The following CHD2 variants were observed in gnomAD, a reference collection of about 807,000 sequenced individuals.
CHD2 encodes the protein ATP-dependent chromatin remodeler CHD2.
Under a neutral mutation model 243.9 loss-of-function variants are expected in CHD2, and 28 were observed. That is an observed-to-expected ratio of 0.11 (90% CI 0.09 to 0.16). CHD2 has a LOEUF of 0.16. Among genes scored for constraint, CHD2 ranks in the 10% least tolerant of loss-of-function variants. The probability of loss-of-function intolerance (pLI) is 1.00; values close to 1 mark genes in which losing one functional copy is unlikely to be tolerated. For synonymous variants in CHD2, 775 were observed against 779.0 expected (o/e 0.99, Z 0.09); for missense variants, 1,386 against 2,209.8 (o/e 0.63, Z 7.47).
chr15:92,935,945 T>C (rs949163037), intron 5 of CHD2, among the ~76,000 whole-genome samples: 1 of 152,036 alleles, frequency 6.6e-6, no homozygotes, highest in Non-Finnish European at 1.5e-5. Flanking sequence ...TTTTTTTTTT[T>C]AACCTAACAA....
chr15:92,905,903 C>G (rs1211530240), intron 2 of CHD2, among the ~76,000 whole-genome samples: 2 of 152,178 alleles, frequency 1.3e-5, no homozygotes, highest in Admixed American at 6.5e-5. Flanking sequence ...TCTCACCTCC[C>G]TTTTTGTGTA....
At chr15:92,940,486 G>T (rs1037824200) in intron 7 of CHD2, among the ~76,000 whole-genome samples, 2 of 151,690 alleles carry the variant, frequency 1.3e-5, no homozygotes, top group Admixed American at 1.3e-4. Context: ...ACAGATATAT[G>T]CAAACACTAG....
intron 2 of CHD2, among the ~76,000 whole-genome samples, chr15:92,916,135 G>A (rs1044116686): frequency 2.6e-5 from 4 of 152,128 alleles, no homozygotes; most frequent in African/African-American, 7.2e-5. Flanking sequence ...CCAGTTGTCC[G>A]GCCTTTCCAG....
chr15:92,916,507 A>G (rs531110254), intron 2 of CHD2, among the ~76,000 whole-genome samples: 1 of 152,358 alleles, frequency 6.6e-6, no homozygotes, highest in South Asian at 2.1e-4. Flanking sequence ...TACAAGTTTG[A>G]TAATTTGTCT....
intron 2 of CHD2, chr15:92,901,553 G>C: frequency 1.9e-6 from 1 of 517,270 alleles, no homozygotes; most frequent in Non-Finnish European, 3.4e-6. Flanking sequence ...TTATTCAAAG[G>C]GGCCTTTACT....
intron 16 of CHD2, among the ~76,000 whole-genome samples, chr15:92,959,301 G>C (rs1567142080): frequency 2.0e-5 from 3 of 152,158 alleles, no homozygotes; most frequent in Non-Finnish European, 4.4e-5. Flanking sequence ...TTGGGAAATT[G>C]TTCTAGTATC....
chr15:93,009,290 A>G lies in CHD2; in HGVS notation c.4559A>G (p.Tyr1520Cys). The G allele has an allele frequency of 6.2e-7, 1 of 1,614,130 alleles. No homozygotes were observed. Among genetic ancestry groups the G allele is most frequent in the East Asian group, 2.2e-5 (1 of 44,884 alleles). Residue 1520 changes from tyrosine to cysteine, a missense_variant, in exon 35 of 39, where the codon TAC becomes TGC. Around this residue, in one of 19 missense-constraint regions of CHD2, gnomAD observed 42 missense variants for 47.6 expected, o/e 0.88. Transcript: ENST00000394196. ...CGGATAGCCGAGTGCCTTAAAGCCT[A>G]CTCAGATCAGGAGCACATCAAACTC... is the stretch of plus-strand genomic sequence containing the variant. The part of the protein sequence containing the change: ...GDRIAECLKA[Y>C]SDQEHIKLWR...
At position 93,020,223 on chromosome 15, in the gene CHD2, C is replaced by T; in HGVS notation, c.5118C>T (p.Asp1706=). ...GGCCTTATGACCAGTACAGCAGTGA[C>T]CGAGACCACCGGGGACACAGAGATT... ...RKRPYDQYSS[D]RDHRGHRDYY... is the part of the protein sequence containing the mutation. Residue 1706 remains aspartate (D), a synonymous_variant, in exon 38 of 39, where the codon GAC becomes GAT. Coordinates refer to ENST00000394196, the MANE Select transcript of CHD2 (RefSeq NM_001271.4). 6.2e-7 allele frequency: 1 copy of T among 1,614,136 alleles called. No individual in the cohort carries two copies. The highest frequency in any genetic ancestry group is 1.7e-5 in the Admixed American group (1 of 60,028).
intron 31 of CHD2, among the ~76,000 whole-genome samples, chr15:92,999,048 C>T (rs950665806): frequency 3.1e-5 from 4 of 127,414 alleles, no homozygotes; most frequent in African/African-American, 6.0e-5. Flanking sequence ...CGGGCCACTG[C>T]ACTCCGGCCT....
intron 26 of CHD2, among the ~76,000 whole-genome samples, chr15:92,987,366 G>A (rs2054056686): frequency 6.6e-6 from 1 of 152,284 alleles, no homozygotes; most frequent in South Asian, 2.1e-4. Flanking sequence ...GGGAGGCCAA[G>A]GCAGGCAGAT....
At position 92,937,592 on chromosome 15, in the gene CHD2, A is replaced by C. The variant is rs1285511126; in HGVS notation, c.518A>C (p.Lys173Thr). 1 of 1,613,802 alleles carries C rather than the reference A, an allele frequency of 6.2e-7. No individual in the cohort carries two copies. The highest frequency in any genetic ancestry group is 8.5e-7 in the Non-Finnish European group (1 of 1,179,888). The part of the protein sequence containing the change: ...GTSAESEPEQ[K>T]KVKARRPVPR... ...AGTGCAGAGAGTGAGCCAGAACAAA[A>C]AAAAGTAAAAGCCAGAAGACCTGTC... Residue 173 changes from lysine (K) to threonine (T), a missense_variant, in exon 6 of 39, where the codon AAA becomes ACA. Transcript: ENST00000394196.
intron 17 of CHD2, among the ~76,000 whole-genome samples, chr15:92,970,954 C>T (rs752284190): frequency 6.6e-5 from 10 of 152,162 alleles, no homozygotes; most frequent in Admixed American, 1.3e-4. Flanking sequence ...ATGAATATAT[C>T]TGTATTTCTC....
At chr15:92,977,737 T>TC (rs1233725211) in intron 20 of CHD2, among the ~76,000 whole-genome samples, 1 of 152,222 alleles carries the variant, frequency 6.6e-6, no homozygotes, top group Non-Finnish European at 1.5e-5. Flanking sequence ...TCTCAACACT[T>TC]ACCATATATG....
intron 6 of CHD2, 114 bp from the exon 7 acceptor site, chr15:92,939,464 A>G (rs909224503): frequency 1.7e-5 from 18 of 1,086,142 alleles, no homozygotes; most frequent in Non-Finnish European, 2.3e-5. Context: ...ACATTCCCCA[A>G]GTGAAATGTT....
rs748387802 is a variant in CHD2 at position 92,984,376 on chromosome 15, G to T, written c.3113G>T (p.Arg1038Leu). Residue 1038 changes from arginine to leucine, a missense_variant, in exon 25 of 39, where the codon CGT becomes CTT. By Grantham distance (102) the Arg-to-Leu change is moderately radical (BLOSUM62 -2). Transcript: ENST00000394196. ...TMEDEEELEE[R>L]PHKDWDEIIP... ...GAAGATGAAGAAGAGCTAGAAGAGC[G>T]TCCTCACAAGGACTGGGATGAGATC... is the stretch of plus-strand genomic sequence containing the variant. 1 of 1,604,670 alleles carries T rather than the reference G, an allele frequency of 6.2e-7. No homozygotes were observed. Among genetic ancestry groups the T allele is most frequent in the Non-Finnish European group, 8.5e-7 (1 of 1,175,304 alleles).
intron 7 of CHD2, among the ~76,000 whole-genome samples, chr15:92,940,889 T>A (rs1315593294): frequency 1.5e-5 from 2 of 131,812 alleles, no homozygotes; most frequent in African/African-American, 2.9e-5. Flanking sequence ...TAAATATATA[T>A]AAAAATATAT....
intron 9 of CHD2, chr15:92,943,423 A>T (rs752998510): frequency 7.4e-6 from 2 of 272,032 alleles, no homozygotes; most frequent in Non-Finnish European, 7.1e-6. Flanking sequence ...TGATGCCCTG[A>T]ATCCAGAGCT....
chr15:92,924,684 T>A, intron 3 of CHD2, 132 bp downstream of exon 3: 1 of 691,518 alleles, frequency 1.4e-6, no homozygotes, highest in Non-Finnish European at 2.5e-6. Flanking sequence ...TAATATACAG[T>A]AGTATATCTG....
At chr15:92,975,130 A>T (rs1460320260) in intron 20 of CHD2, among the ~76,000 whole-genome samples, 180 bp downstream of exon 20, 1 of 152,216 alleles carries the variant, frequency 6.6e-6, no homozygotes, top group African/African-American at 2.4e-5. Context: ...AGAAAAATAA[A>T]TATGTGCTTA....
Sources: allele counts gnomAD v4.1 joint callset (sites outside exome capture counted in the v4.1 genomes callset), GRCh38; gene constraint gnomAD v4.1.1; regional missense constraint gnomAD v4.1.1; transcripts MANE v1.5; gene names NCBI Gene and HGNC (gene_info 2026-07-23, HGNC 2026-07-21).